Variants in EPS8 observed in about 807,000 individuals in gnomAD.
The protein encoded by EPS8 is EGFR pathway substrate 8, signaling adaptor.
A neutral mutation model predicts 103.8 loss-of-function variants in EPS8; 42 were observed. The observed-to-expected ratio is 0.40, with a 90% CI of 0.32 to 0.52. The LOEUF is 0.52. Ranked by LOEUF, EPS8 falls within the 20% of genes least tolerant of loss-of-function variation. EPS8 has a pLI of 0.40. For synonymous variants in EPS8, 344 were observed against 344.6 expected, an observed-to-expected ratio of 1.00 and a Z score of 0.02; for missense variants, 969 against 1,005.1, an observed-to-expected ratio of 0.96 and a Z score of 0.49.
Position 15,665,715 on chromosome 12 carries a change from A to G in EPS8, c.736+41T>C, listed in dbSNP as rs779733932. 22 of 1,608,966 alleles carry G rather than the reference A, an allele frequency of 1.4e-5. No individual in the cohort carries two copies. The Admixed American group carries it at 3.7e-4, about 27-fold the overall frequency. ...GAAAGCAAGAACTATGTCCCAACCC[A>G]AAGTAAGTGTTCAATAAGTATTAAT... On this transcript the variant is annotated intron_variant, in intron 8 of 20. Coordinates refer to ENST00000281172, the MANE Select transcript of EPS8 (RefSeq NM_004447.6).
chr12:15,682,349 G>A (rs575189366), intron 2 of EPS8, among the ~76,000 whole-genome samples: 1 of 152,130 alleles, frequency 6.6e-6, no homozygotes, highest in South Asian at 2.1e-4. Flanking sequence ...ATACCACAAT[G>A]GCCAATGTCA....
chr12:15,720,736 C>T (rs1328280573), intron 1 of EPS8, among the ~76,000 whole-genome samples: 1 of 152,166 alleles, frequency 6.6e-6, no homozygotes, highest in Non-Finnish European at 1.5e-5. Flanking sequence ...AGTTTTGTCT[C>T]TTTCCTTCTT....
In EPS8 at chr12:15,767,772, T is replaced by C. The variant is rs992260108; in HGVS notation, c.-22+21389A>G. ...CTCCTTCCAGGAATACCTGTCAAAA[T>C]ACTCATTTGTCAGTTTTAAGCTGTC... On this transcript the variant is annotated intron_variant, in intron 1 of 20. Transcript: ENST00000281172. The surrounding 1 kb of genome is among the most constrained non-coding windows in gnomAD (Gnocchi z 5.5). Among the ~76,000 whole-genome samples the C allele has an allele frequency of 2.6e-5, 4 of 152,242 alleles. No homozygotes were observed. The highest frequency in any genetic ancestry group is 7.2e-5 in the African/African-American group (3 of 41,468).
chr12:15,759,855 A>G lies in EPS8; in HGVS notation c.-22+29306T>C, dbSNP rs1486609247. Among the ~76,000 whole-genome samples, 1 of 152,046 alleles carries G rather than the reference A, an allele frequency of 6.6e-6. No homozygotes were observed. Among genetic ancestry groups the G allele is most frequent in the Non-Finnish European group, 1.5e-5 (1 of 67,924 alleles). The stretch of plus-strand genomic sequence containing the variant: ...AAAGTTTATAGCTATAAGTGCCTAC[A>G]TCAAAAAAGAAGAAAAACTTCAAAT... On this transcript the variant is annotated intron_variant, in intron 1 of 20. Transcript: ENST00000281172. The surrounding 1 kb of genome is among the most constrained non-coding windows in gnomAD (Gnocchi z 4.9).
intron 18 of EPS8, among the ~76,000 whole-genome samples, chr12:15,626,973 T>C (rs1483862153): frequency 1.3e-5 from 2 of 152,036 alleles, no homozygotes; most frequent in Non-Finnish European, 2.9e-5. Flanking sequence ...CCAAACCACT[T>C]ACCACCTTCT....
intron 8 of EPS8, 81 bp downstream of exon 8, chr12:15,665,675 T>A: frequency 6.6e-7 from 1 of 1,510,160 alleles, no homozygotes; most frequent in Non-Finnish European, 9.1e-7. Context: ...AGTTCTGAAA[T>A]CAGCATCAGA....
At chr12:15,679,325 T>C (rs1005646132) in intron 3 of EPS8, among the ~76,000 whole-genome samples, 14 of 152,212 alleles carry the variant, frequency 9.2e-5, no homozygotes, top group African/African-American at 3.4e-4. Flanking sequence ...TTCTTCCCAA[T>C]GTGGTCTACG....
intron 14 of EPS8, 123 bp downstream of exon 14, chr12:15,650,700 C>G: frequency 1.2e-6 from 1 of 800,050 alleles, no homozygotes; most frequent in South Asian, 1.8e-5. Flanking sequence ...GACAGGGTAA[C>G]ATTCAGACTT....
intron 13 of EPS8, among the ~76,000 whole-genome samples, chr12:15,652,527 G>A (rs975483028): frequency 2.6e-5 from 4 of 151,932 alleles, no homozygotes; most frequent in Non-Finnish European, 5.9e-5. Context: ...TACATTATAC[G>A]AATGTATCAA....
At chr12:15,656,742 C>T (rs1049505562) in intron 12 of EPS8, among the ~76,000 whole-genome samples, 1 of 152,086 alleles carries the variant, frequency 6.6e-6, no homozygotes, top group Non-Finnish European at 1.5e-5. Flanking sequence ...GGATACAACT[C>T]AATTTTGATA....
Position 15,752,274 on chromosome 12 carries a change from C to T in EPS8, c.-22+36887G>A, listed in dbSNP as rs1199895575. ...CATCCTGGCTAACATGGTGAAACCC[C>T]GTTTCTACTAAAAATACAAAAAATT... On this transcript the variant is annotated intron_variant, in intron 1 of 20. Transcript: ENST00000281172. The surrounding 1 kb of genome is among the most constrained non-coding windows in gnomAD (Gnocchi z 4.4). Among the ~76,000 whole-genome samples, 2 of 151,956 alleles carry T rather than the reference C, an allele frequency of 1.3e-5. No homozygotes were observed. The highest frequency in any genetic ancestry group is 4.8e-5 in the African/African-American group (2 of 41,354).
rs764001328 is a variant in EPS8, at chr12:15,640,812, C to A, written c.1712G>T (p.Arg571Leu). The change falls in exon 17 of 21, where the codon CGA (arginine) becomes CTA (leucine). Residue 571 changes from arginine to leucine, a missense_variant. Arg to Leu is a moderately radical substitution (Grantham distance 102, BLOSUM62 -2). Transcript: ENST00000281172. Reference sequence around the variant, plus strand: ...AAATCCAGAGTCTCCACTTGCATTTCGAACTTTCCACCATTGCTTCCGATC... The same window carrying A: ...AAATCCAGAGTCTCCACTTGCATTTAGAACTTTCCACCATTGCTTCCGATC... Reference protein sequence around the residue: ...LDDRKQWWKVRNASGDSGFVP... With the variant: ...LDDRKQWWKVLNASGDSGFVP... 6.2e-7 allele frequency: 1 copy of A among 1,613,850 alleles called. No individual in the cohort carries two copies. The highest frequency in any genetic ancestry group is 1.1e-5 in the South Asian group (1 of 91,076).
At position 15,620,158 on chromosome 12, in the gene EPS8, TTTA is replaced by T. The variant is rs1423078235; in HGVS notation, c.*1156_*1158del. ...CTTTTTGCTAATGAGACAGAAACCA[TTTA>T]TTAACAGACAGCAAATACTGTTTAT... On this transcript the variant is annotated 3_prime_UTR_variant, in exon 21 of 21. Coordinates refer to ENST00000281172, the MANE Select transcript of EPS8 (RefSeq NM_004447.6). 2.6e-5 allele frequency: 4 copies of T among 152,602 alleles called. No homozygotes were observed. In the East Asian group the frequency reaches 7.7e-4, roughly 29 times the overall value. The allele number at this position is 152,602 out of a possible 1,614,324, so 9.5% of individuals were successfully genotyped here.
At chr12:15,726,295 C>T in intron 1 of EPS8, among the ~76,000 whole-genome samples, 1 of 151,806 alleles carries the variant, frequency 6.6e-6, no homozygotes, top group East Asian at 1.9e-4. Context: ...TCAAGAGTGA[C>T]AGAGTGATGG....
In EPS8 at chr12:15,751,817, C is replaced by T. The variant is rs185168077; in HGVS notation, c.-22+37344G>A. Among the ~76,000 whole-genome samples the T allele has an allele frequency of 8.7e-4, 133 of 152,092 alleles. 1 individual carries two copies. The highest frequency in any genetic ancestry group is 8.5e-3 in the Admixed American group (130 of 15,284). ...ACCATAGCTCAGACAACATGTTAGA[C>T]GTTAACTAGACTTCTGATGAAGTCT... is the stretch of plus-strand genomic sequence containing the variant. On this transcript the variant is annotated intron_variant, in intron 1 of 20. Transcript: ENST00000281172. The surrounding 1 kb of genome is among the most constrained non-coding windows in gnomAD (Gnocchi z 4.3).
At chr12:15,715,978 G>C (rs972570617) in intron 1 of EPS8, among the ~76,000 whole-genome samples, 1 of 151,496 alleles carries the variant, frequency 6.6e-6, no homozygotes, top group African/African-American at 2.4e-5. Flanking sequence ...ACAGCAGAAA[G>C]TACTAATATA....
chr12:15,682,569 C>T (rs1946026647), intron 2 of EPS8, among the ~76,000 whole-genome samples: 1 of 152,106 alleles, frequency 6.6e-6, no homozygotes, highest in African/African-American at 2.4e-5. Context: ...TAACAGAATG[C>T]ACCACAGAAA....
chr12:15,663,237 C>T (rs7962105), intron 8 of EPS8, among the ~76,000 whole-genome samples: 2,738 of 152,142 alleles, frequency 0.018, 61 homozygotes, highest in African/African-American at 0.053. Flanking sequence ...ATTTGGAGGG[C>T]ACAGTGAGGG....
intron 17 of EPS8, among the ~76,000 whole-genome samples, chr12:15,639,016 T>C (rs1444030222): frequency 6.6e-6 from 1 of 152,234 alleles, no homozygotes; most frequent in African/African-American, 2.4e-5. Flanking sequence ...GCATGTTTTT[T>C]ATTTTATCGC....
Sources: allele counts gnomAD v4.1 joint callset (sites outside exome capture counted in the v4.1 genomes callset), GRCh38; gene constraint gnomAD v4.1.1; non-coding constraint Gnocchi (gnomAD v3.1); transcripts MANE v1.5; gene names NCBI Gene and HGNC (gene_info 2026-07-23, HGNC 2026-07-21).